HK3: variants seen among roughly 807,000 people sequenced by gnomAD.
The protein encoded by HK3 is hexokinase-3.
HK3 carries 93 observed loss-of-function variants against 91.0 expected under a neutral mutation model. The ratio of observed to expected loss-of-function variants is 1.02; its 90% CI spans 0.86 to 1.21. HK3 has a LOEUF of 1.21. Among genes scored for constraint, HK3 ranks in the 50% most tolerant of loss-of-function variants. The probability of loss-of-function intolerance (pLI) is 0.00; values close to 1 mark genes in which losing one functional copy is unlikely to be tolerated. For missense variants in HK3, 1,235 were observed against 1,247.4 expected (o/e 0.99, Z 0.15); for synonymous variants, 519 against 516.9 (o/e 1.00, Z -0.06).
At chr5:176,895,368 C>T (rs1001725207) in intron 2 of HK3, among the ~76,000 whole-genome samples, 2 of 152,206 alleles carry the variant, frequency 1.3e-5, no homozygotes, top group South Asian at 2.1e-4. Flanking sequence ...TGAGCCACCG[C>T]GCCCGGCCAT....
At position 176,888,798 on chromosome 5, in the gene HK3, G is replaced by A. The variant is rs2149375696; in HGVS notation, c.981C>T (p.Ala327=). Residue 327 remains alanine (A), a synonymous_variant, in exon 9 of 19, where the codon GCC becomes GCT. Coordinates refer to ENST00000292432, the MANE Select transcript of HK3 (RefSeq NM_002115.3). ...AGCCACCAAAGAGGACCCCACACCG[G>A]GCCAAGTGAGCCAGCACCAGCCGCA... ...ELVRLVLAHL[A]RCGVLFGGCT... 1 of 1,614,086 alleles carries A rather than the reference G, an allele frequency of 6.2e-7. No homozygotes were observed. The highest frequency in any genetic ancestry group is 8.5e-7 in the Non-Finnish European group (1 of 1,179,990).
chr5:176,896,015 C>A, intron 2 of HK3, 49 bp downstream of exon 2: 2 of 1,506,874 alleles, frequency 1.3e-6, no homozygotes, highest in South Asian at 2.3e-5. Flanking sequence ...TCACGCTGCT[C>A]TTGAAGGCCT....
rs746312681 is a variant in HK3 at position 176,881,136 on chromosome 5, G to A, written c.2709C>T (p.Ser903=). 66 of 1,612,880 alleles carry A rather than the reference G, an allele frequency of 4.1e-5. No individual in the cohort carries two copies. Among genetic ancestry groups the A allele is most frequent in the Non-Finnish European group, 4.7e-5 (55 of 1,179,916 alleles). Residue 903 remains serine, a synonymous_variant, in exon 19 of 19, where the codon TCC becomes TCT. Coordinates refer to ENST00000292432, the MANE Select transcript of HK3 (RefSeq NM_002115.3). The part of the protein sequence containing the change: ...VVTFLQSEDG[S]GKGAALVTAV... ...CGGTGACCAGGGCCGCACCTTTGCC[G>A]GACCCATCCTCTGACTGCAGGAACG...
intron 1 of HK3, among the ~76,000 whole-genome samples, chr5:176,898,464 T>C (rs1758960245): frequency 1.3e-5 from 2 of 152,208 alleles, no homozygotes; most frequent in African/African-American, 4.8e-5. Flanking sequence ...ACTGGGGCAA[T>C]TACCTTCGAA....
At chr5:176,894,599 G>T (rs1249459728) in intron 2 of HK3, among the ~76,000 whole-genome samples, 3 of 152,144 alleles carry the variant, frequency 2.0e-5, no homozygotes, top group Non-Finnish European at 4.4e-5. Context: ...TCTGCAGCAG[G>T]GTCTGGGGTA....
rs1758979494 is a variant in HK3, at chr5:176,899,116, T to TA, written c.-27+150dup. Reference sequence around the variant, plus strand: ...TGCCACTGTACTCCAGTCTGGGTGATAGAGAGAGAGACCCCATCTCAAAAA... The same window carrying TA: ...TGCCACTGTACTCCAGTCTGGGTGATAAGAGAGAGAGACCCCATCTCAAAAA... On this transcript the variant is annotated intron_variant, in intron 1 of 18. Coordinates refer to ENST00000292432, the MANE Select transcript of HK3 (RefSeq NM_002115.3). Among the ~76,000 whole-genome samples the TA allele has an allele frequency of 2.6e-5, 4 of 152,076 alleles. No individual in the cohort carries two copies. In the South Asian group the frequency reaches 8.3e-4, roughly 32 times the overall value.
chr5:176,890,772 T>C (rs748696147), intron 5 of HK3, 42 bp from the exon 6 acceptor site: 50 of 1,614,078 alleles, frequency 3.1e-5, no homozygotes, highest in Non-Finnish European at 4.2e-5. Flanking sequence ...ACGGCCTTCA[T>C]GGGGCTGCAG....
At chr5:176,897,854 C>T (rs530603798) in intron 1 of HK3, among the ~76,000 whole-genome samples, 82 of 152,320 alleles carry the variant, frequency 5.4e-4, no homozygotes, top group African/African-American at 1.8e-3. Flanking sequence ...TTGGCCTCAG[C>T]CAAATCCTAA....
intron 6 of HK3, among the ~76,000 whole-genome samples, chr5:176,890,088 C>T (rs1172402325): frequency 6.6e-6 from 1 of 152,156 alleles, no homozygotes; most frequent in Non-Finnish European, 1.5e-5. Flanking sequence ...CTGCCTGGCT[C>T]CCCAAGCCTG....
At chr5:176,883,462 A>G (rs914344820) in intron 15 of HK3, among the ~76,000 whole-genome samples, 2 of 152,172 alleles carry the variant, frequency 1.3e-5, no homozygotes, top group Non-Finnish European at 2.9e-5. Flanking sequence ...TGACTTGCCC[A>G]AGGTCATACA....
At chr5:176,883,027 C>T (rs1461083031) in intron 15 of HK3, among the ~76,000 whole-genome samples, 1 of 152,210 alleles carries the variant, frequency 6.6e-6, no homozygotes, top group Non-Finnish European at 1.5e-5. Context: ...CAAATCCTTT[C>T]TTTCAGGGCT....
chr5:176,888,868 C>T lies in HK3; in HGVS notation c.915-4G>A. On this transcript the variant is annotated splice_region_variant and splice_polypyrimidine_tract_variant and intron_variant, in intron 8 of 18. Coordinates refer to ENST00000292432, the MANE Select transcript of HK3 (RefSeq NM_002115.3). Reference sequence around the variant, plus strand: ...GCCTCCGATCATCTTCTCAAACCTGCAGGGGGGAAGGGTGGCTGGAGGAAG... The same window carrying T: ...GCCTCCGATCATCTTCTCAAACCTGTAGGGGGGAAGGGTGGCTGGAGGAAG... The T allele has an allele frequency of 5.0e-6, 8 of 1,612,434 alleles. No homozygotes were observed. Among genetic ancestry groups the T allele is most frequent in the Non-Finnish European group, 6.8e-6 (8 of 1,178,836 alleles).
At position 176,888,386 on chromosome 5, in the gene HK3, T is replaced by G; in HGVS notation, c.1250A>C (p.Gln417Pro). 6.4e-7 allele frequency: 1 copy of G among 1,563,596 alleles called. No homozygotes were observed. Among genetic ancestry groups the G allele is most frequent in the Non-Finnish European group, 8.7e-7 (1 of 1,153,382 alleles). Residue 417 changes from glutamine to proline, a missense_variant, in exon 10 of 19, where the codon CAA becomes CCA. By Grantham distance (76) the Gln-to-Pro change is moderately conservative (BLOSUM62 -1). Transcript: ENST00000292432. ...GGTGGCCACAGCAACCTGGAGTGTT[T>G]GTTGCTCCCGGCTGTGCTGGAGGCA... The part of the protein sequence containing the change: ...LSCLQHSREQ[Q>P]TLQVAVATGG...
chr5:176,888,215 G>A, intron 10 of HK3, 117 bp downstream of exon 10: 1 of 832,034 alleles, frequency 1.2e-6, no homozygotes, highest in Non-Finnish European at 2.0e-6. Context: ...CCCTCCCTCT[G>A]CCTAAGTGCC....
chr5:176,884,176 C>T lies in HK3; in HGVS notation c.1858-42G>A. ...AGGAAGTGGCAGGAAGCTGGAGGCC[C>T]CTTCAGGCTCACTCTGCCTCTGCAA... On this transcript the variant is annotated intron_variant, in intron 13 of 18. Coordinates refer to ENST00000292432, the MANE Select transcript of HK3 (RefSeq NM_002115.3). The surrounding 1 kb of genome is among the most constrained non-coding windows in gnomAD (Gnocchi z 4.1). 1 of 1,522,260 alleles carries T rather than the reference C, an allele frequency of 6.6e-7. No homozygotes were observed. Among genetic ancestry groups the T allele is most frequent in the Non-Finnish European group, 9.1e-7 (1 of 1,096,508 alleles). 94.3% of individuals were successfully genotyped at this position (1,522,260 alleles called of 1,614,324 possible).
At chr5:176,885,959 G>T (rs1411365894) in intron 13 of HK3, among the ~76,000 whole-genome samples, 1 of 152,038 alleles carries the variant, frequency 6.6e-6, no homozygotes, top group Non-Finnish European at 1.5e-5. Flanking sequence ...ATATCAGGTG[G>T]AGTGCGGTGG....
At chr5:176,889,037 T>G (rs373397146) in intron 8 of HK3, among the ~76,000 whole-genome samples, 173 bp from the exon 9 acceptor site, 1 of 152,172 alleles carries the variant, frequency 6.6e-6, no homozygotes, top group East Asian at 1.9e-4. Context: ...CAGACCCCAC[T>G]GCCCCCTCTG....
At chr5:176,897,334 C>G (rs1035268645) in intron 1 of HK3, among the ~76,000 whole-genome samples, 7 of 152,138 alleles carry the variant, frequency 4.6e-5, no homozygotes, top group Non-Finnish European at 8.8e-5. Context: ...CCCAAGGGAG[C>G]CCTCAGTGAG....
At chr5:176,882,707 G>A (rs1758474246) in intron 15 of HK3, among the ~76,000 whole-genome samples, 2 of 152,212 alleles carry the variant, frequency 1.3e-5, no homozygotes, top group Admixed American at 1.3e-4. Flanking sequence ...CAACAGAGAG[G>A]AAGTGACTGA....
Sources: allele counts gnomAD v4.1 joint callset (sites outside exome capture counted in the v4.1 genomes callset), GRCh38; gene constraint gnomAD v4.1.1; non-coding constraint Gnocchi (gnomAD v3.1); transcripts MANE v1.5; gene names NCBI Gene and HGNC (gene_info 2026-07-23, HGNC 2026-07-21).